The following TEX11 variants were observed in gnomAD, a reference collection of about 807,000 sequenced individuals.
The protein encoded by TEX11 is testis-expressed protein 11.
Under a neutral mutation model 84.4 loss-of-function variants are expected in TEX11, and 7 were observed. That is an observed-to-expected ratio of 0.08 (90% CI 0.05 to 0.16). TEX11 has a LOEUF of 0.16. TEX11 is among the 10% of genes least tolerant of loss of function. The pLI is 1.00. For synonymous variants in TEX11, 264 were observed against 222.8 expected (o/e 1.18, Z -1.64); for missense variants, 551 against 660.5 (o/e 0.83, Z 1.82).
At chrX:70,527,189 G>A (rs2087831055), downstream of TEX11, among the ~76,000 whole-genome samples, 1 of 112,038 alleles carries the variant, frequency 8.9e-6, no homozygotes, top group Non-Finnish European at 1.9e-5. Context: ...AAAGTTTAAT[G>A]AGGAATGTGG....
intron 2 of TEX11, among the ~76,000 whole-genome samples, chrX:70,895,041 G>A (rs1038765574): frequency 9.0e-6 from 1 of 111,424 alleles, no homozygotes; most frequent in Admixed American, 9.6e-5. Context: ...AGGTCAATGA[G>A]GCAAGAAAAA....
chrX:70,801,354 G>A (rs949528341), intron 9 of TEX11, among the ~76,000 whole-genome samples: 2 of 111,626 alleles, frequency 1.8e-5, no homozygotes, highest in African/African-American at 6.5e-5. Flanking sequence ...GAATTTTGAT[G>A]GCTGAATCTT....
intron 13 of TEX11, among the ~76,000 whole-genome samples, chrX:70,712,223 T>A (rs2090443232): frequency 9.0e-6 from 1 of 111,427 alleles, no homozygotes; most frequent in African/African-American, 3.3e-5. Context: ...TCAGGAAGAG[T>A]GATGCCTCCA....
At chrX:70,687,152 T>C (rs1186017381) in intron 13 of TEX11, among the ~76,000 whole-genome samples, 1 of 111,241 alleles carries the variant, frequency 9.0e-6, no homozygotes, top group Non-Finnish European at 1.9e-5. Context: ...TCTTTCCACC[T>C]CATTCACACA....
chrX:70,687,194 T>A (rs769925593), intron 13 of TEX11, among the ~76,000 whole-genome samples: 1 of 111,180 alleles, frequency 9.0e-6, no homozygotes, highest in East Asian at 2.8e-4. Context: ...ACACACACAC[T>A]CATGCTTTTG....
At chrX:70,686,853 C>T (rs1373301288) in intron 13 of TEX11, among the ~76,000 whole-genome samples, 1 of 111,026 alleles carries the variant, frequency 9.0e-6, no homozygotes, top group Non-Finnish European at 1.9e-5. Context: ...TTAACCGAGT[C>T]TTGTATTTTA....
chrX:70,811,004 A>G (rs965134431), intron 8 of TEX11, among the ~76,000 whole-genome samples: 1 of 111,744 alleles, frequency 8.9e-6, no homozygotes, highest in Non-Finnish European at 1.9e-5. Flanking sequence ...ATGTCGTTAC[A>G]AATATTCCAA....
chrX:70,519,206 A>T, the TEX11 span, among the ~76,000 whole-genome samples: 3 of 111,954 alleles, frequency 2.7e-5, no homozygotes, highest in African/African-American at 9.7e-5. Flanking sequence ...TCTTCCTAGC[A>T]TCGATGGTCT....
At chrX:70,677,149 A>G (rs753161149) in intron 15 of TEX11, among the ~76,000 whole-genome samples, 11 of 112,203 alleles carry the variant, frequency 9.8e-5, no homozygotes, top group African/African-American at 2.9e-4. Flanking sequence ...GGTGCTGTAC[A>G]GTTTTATATT....
rs768834428 is a variant in TEX11, at chrX:70,529,947, G to A, written c.2573C>T (p.Thr858Ile). The A allele has an allele frequency of 2.5e-6, 3 of 1,211,191 alleles. No homozygotes were observed. The highest frequency in any genetic ancestry group is 2.3e-4 in the Middle Eastern group (1 of 4,353). Reference sequence around the variant, plus strand: ...GCTCCTGCTAAACATAAGTACTCCGGTATTCCAGGACTTGACCATCAGCCA... The same window carrying A: ...GCTCCTGCTAAACATAAGTACTCCGATATTCCAGGACTTGACCATCAGCCA... ...ILWLMVKSWNTGVLMFSRSKY... is the reference protein window; with the variant it reads ...ILWLMVKSWNIGVLMFSRSKY... The change falls in exon 29 of 30, where the codon ACC (threonine) becomes ATC (isoleucine). Residue 858 changes from threonine (T) to isoleucine (I), a missense_variant. By Grantham distance (89) the Thr-to-Ile change is moderately conservative. Transcript: ENST00000374333.
At chrX:70,575,502 C>T (rs1253006479) in intron 25 of TEX11, among the ~76,000 whole-genome samples, 3 of 111,606 alleles carry the variant, frequency 2.7e-5, no homozygotes, top group African/African-American at 9.8e-5. Context: ...TTTTCTTGCC[C>T]TTCCACTTTC....
At chrX:70,573,344 T>A (rs2088631085) in intron 25 of TEX11, among the ~76,000 whole-genome samples, 1 of 111,759 alleles carries the variant, frequency 8.9e-6, no homozygotes, top group Non-Finnish European at 1.9e-5. Context: ...ACTTTTAGGA[T>A]CCATTTTTAT....
At chrX:70,606,738 G>A (rs984366398) in intron 23 of TEX11, among the ~76,000 whole-genome samples, 1 of 111,707 alleles carries the variant, frequency 9.0e-6, no homozygotes, top group African/African-American at 3.3e-5. Flanking sequence ...TAGGCTCCCT[G>A]ATGAATGTTT....
At chrX:70,589,633 G>A (rs774352157) in intron 25 of TEX11, among the ~76,000 whole-genome samples, 2 of 111,155 alleles carry the variant, frequency 1.8e-5, no homozygotes, top group African/African-American at 3.3e-5. Context: ...AGCGATTCTC[G>A]TGTCTCAGGC....
chrX:70,515,829 A>G, the TEX11 span, among the ~76,000 whole-genome samples: 2 of 112,402 alleles, frequency 1.8e-5, no homozygotes, highest in Non-Finnish European at 3.8e-5. Flanking sequence ...GGAGTGAGAT[A>G]GTATCTCATT....
At chrX:70,869,145 A>T (rs778931221) in intron 4 of TEX11, among the ~76,000 whole-genome samples, 1 of 109,548 alleles carries the variant, frequency 9.1e-6, no homozygotes, top group African/African-American at 3.3e-5. Context: ...AGAAAAAGAA[A>T]ATGTTTCCTT....
intron 8 of TEX11, among the ~76,000 whole-genome samples, chrX:70,814,021 A>G (rs1181942005): frequency 8.9e-6 from 1 of 111,880 alleles, no homozygotes; most frequent in Non-Finnish European, 1.9e-5. Context: ...AAATGGTCAT[A>G]CTGCCCAAGG....
Position 70,609,140 on chromosome X carries a change from G to A in TEX11, c.1830C>T (p.Ala610=), listed in dbSNP as rs1569354710. 9 of 1,205,857 alleles carry A rather than the reference G, an allele frequency of 7.5e-6. No individual in the cohort carries two copies. The highest frequency in any genetic ancestry group is 1.0e-5 in the Non-Finnish European group (9 of 892,747). Residue 610 remains alanine (A), a synonymous_variant, in exon 22 of 30, where the codon GCC becomes GCT. Coordinates refer to ENST00000374333, the MANE Select transcript of TEX11 (RefSeq NM_031276.3). ...CATTAGCTCTTGACTCCAAACTTAAGGCTTCTTCACCAAAAGGCTGAGAAA... is the reference window on the plus strand; with the variant it reads ...CATTAGCTCTTGACTCCAAACTTAAAGCTTCTTCACCAAAAGGCTGAGAAA... ...VKLSQPFGEE[A]LSLESRANEA... is the part of the protein sequence containing the mutation.
the TEX11 span, among the ~76,000 whole-genome samples, chrX:70,520,824 T>TA: frequency 9.0e-6 from 1 of 111,727 alleles, no homozygotes; most frequent in Non-Finnish European, 1.9e-5. Context: ...TTTGTTTACC[T>TA]ACTGAAGCCT....
Sources: gnomAD v4.1 joint callset for allele counts (sites outside exome capture counted in the v4.1 genomes callset) on GRCh38, gnomAD v4.1.1 for gene constraint, MANE v1.5 for transcripts, NCBI Gene and HGNC (gene_info 2026-07-23, HGNC 2026-07-21) for gene names.